The following GLB1 variants were observed in gnomAD, a reference collection of about 807,000 sequenced individuals.
The protein encoded by GLB1 is beta-galactosidase.
In GLB1, 56 loss-of-function variants were observed where a neutral mutation model predicts 74.0. The ratio of observed to expected loss-of-function variants is 0.76; its 90% confidence interval spans 0.61 to 0.94. The LOEUF (loss-of-function observed/expected upper bound fraction) is 0.94, where lower values mean the gene tolerates loss of function less well. Ranked by LOEUF, GLB1 falls within the 40% of genes least tolerant of loss-of-function variation. The pLI is 0.00. For synonymous variants in GLB1, 323 were observed against 323.6 expected, an observed-to-expected ratio of 1.00 and a Z score of 0.02; for missense variants, 787 against 845.5, an observed-to-expected ratio of 0.93 and a Z score of 0.86.
intron 10 of GLB1, chr3:33,045,549 T>C: frequency 1.0e-6 from 1 of 988,480 alleles, no homozygotes; most frequent in Non-Finnish European, 1.2e-6. Flanking sequence ...TATTTTCTAG[T>C]GAGAAATAAT....
the GLB1 span, among the ~76,000 whole-genome samples, chr3:32,984,831 T>A: frequency 9.9e-3 from 1,502 of 151,442 alleles, 9 homozygotes; most frequent in Non-Finnish European, 0.016. Flanking sequence ...AGTCCCAGCT[T>A]CTCAGGAGGC....
chr3:33,096,882 C>T (rs1397802683), intron 1 of GLB1, 129 bp downstream of exon 1: 3 of 1,468,634 alleles, frequency 2.0e-6, no homozygotes, highest in Non-Finnish European at 2.7e-6. Context: ...GGCCGCGAGC[C>T]TGCTGGGGGG....
intron 1 of GLB1, chr3:33,096,398 T>TC (rs2125590494): frequency 5.2e-6 from 5 of 953,090 alleles, no homozygotes; most frequent in East Asian, 1.2e-4. Flanking sequence ...GCCTGCCTAT[T>TC]CCCCCCCTCA....
At chr3:33,030,734 G>C in intron 10 of GLB1, 1 of 985,332 alleles carries the variant, frequency 1.0e-6, no homozygotes, top group Non-Finnish European at 1.2e-6. Flanking sequence ...AATTATCAAG[G>C]TCCTCACTAC....
At position 33,072,544 on chromosome 3, in the gene GLB1, G is replaced by A. The variant is rs72555393; in HGVS notation, c.245C>T (p.Thr82Met). Residue 82 changes from threonine (T) to methionine (M), a missense_variant and splice_region_variant, in exon 2 of 16, where the codon ACG (threonine) becomes ATG (methionine). Coordinates refer to ENST00000307363, the MANE Select transcript of GLB1 (RefSeq NM_000404.4). The part of the protein sequence containing the change: ...MKMAGLNAIQ[T>M]YVPWNFHEPW... ...GAGAGCCACATGCCCTCCTACTTAC[G>A]TCTGGATGGCGTTCAGCCCAGCCAT... 24 of 1,612,964 alleles carry A rather than the reference G, an allele frequency of 1.5e-5. No individual in the cohort carries two copies. Among genetic ancestry groups the A allele is most frequent in the Non-Finnish European group, 1.9e-5 (23 of 1,180,002 alleles).
At chr3:33,064,687 G>A (rs1295225495) in intron 5 of GLB1, among the ~76,000 whole-genome samples, 1 of 138,988 alleles carries the variant, frequency 7.2e-6, no homozygotes, top group Non-Finnish European at 1.5e-5. Context: ...TGAGGTGGGA[G>A]AATTGCCTGA....
chr3:33,027,831 T>G (rs1697835459), intron 10 of GLB1, among the ~76,000 whole-genome samples: 2 of 152,016 alleles, frequency 1.3e-5, no homozygotes, highest in African/African-American at 4.8e-5. Context: ...GACAAAAGAC[T>G]GTTATAGTGA....
intron 4 of GLB1, among the ~76,000 whole-genome samples, chr3:33,067,451 G>C (rs532586230): frequency 0.033 from 460 of 13,992 alleles, 1 homozygote; most frequent in African/African-American, 0.062. Context: ...CAGCACACCT[G>C]GCTAATTTTT....
At chr3:32,987,995 C>T in the GLB1 span, among the ~76,000 whole-genome samples, 28 of 151,996 alleles carry the variant, frequency 1.8e-4, no homozygotes, top group South Asian at 3.6e-3. Context: ...GACCACCTGA[C>T]TAACATGGTG....
rs12167 is a variant in GLB1, at chr3:32,996,691, A to G, written c.*354T>C. ...CTAGTTATGATTTAAGTCAGACCATATAATTCAATACCTGCACATTAAAAA... is the reference window on the plus strand; with the variant it reads ...CTAGTTATGATTTAAGTCAGACCATGTAATTCAATACCTGCACATTAAAAA... On this transcript the variant is annotated 3_prime_UTR_variant, in exon 16 of 16. Transcript: ENST00000307363. 79,872 of 330,724 alleles carry G rather than the reference A, an allele frequency of 0.24. 10,741 individuals carry two copies. The highest frequency in any genetic ancestry group is 0.29 in the Admixed American group (6,728 of 22,836). The allele number at this position is 330,724 out of a possible 1,614,324, so 20.5% of individuals were successfully genotyped here.
chr3:33,029,375 A>T (rs776284117), intron 10 of GLB1, among the ~76,000 whole-genome samples: 3 of 152,172 alleles, frequency 2.0e-5, no homozygotes, highest in Non-Finnish European at 4.4e-5. Context: ...CAAGACCTCT[A>T]ATGTTTTCAT....
intron 1 of GLB1, among the ~76,000 whole-genome samples, chr3:33,094,582 A>C (rs995563127): frequency 2.0e-5 from 3 of 152,222 alleles, no homozygotes; most frequent in Non-Finnish European, 2.9e-5. Flanking sequence ...GCGGTATTCA[A>C]AGTGTGGTCT....
intron 5 of GLB1, among the ~76,000 whole-genome samples, chr3:33,061,462 G>C (rs1699439752): frequency 6.6e-6 from 1 of 152,214 alleles, no homozygotes; most frequent in Admixed American, 6.6e-5. Flanking sequence ...AGGTGTTGCA[G>C]CCATAGAGGT....
rs1697250440 is a variant in GLB1 at position 33,016,740 on chromosome 3, A to G, written c.1448T>C (p.Val483Ala). 6.2e-7 allele frequency: 1 copy of G among 1,614,128 alleles called. No homozygotes were observed. Among genetic ancestry groups the G allele is most frequent in the Non-Finnish European group, 8.5e-7 (1 of 1,180,000 alleles). Residue 483 changes from valine (V) to alanine (A), a missense_variant, in exon 14 of 16, where the codon GTG (valine) becomes GCG (alanine). Transcript: ENST00000307363. ...ATCGTTGATATATGCACCATAGTTC[A>G]CACGTCCCATGTTCTCTACCAGAAG... The part of the protein sequence containing the change: ...LDLLVENMGR[V>A]NYGAYINDFK...
At position 33,016,717 on chromosome 3, in the gene GLB1, CGTT is replaced by C. The variant is rs1215113920; in HGVS notation, c.1468_1470del (p.Asn490del). The C allele has an allele frequency of 1.2e-6, 2 of 1,613,748 alleles. No homozygotes were observed. The highest frequency in any genetic ancestry group is 3.3e-5 in the Admixed American group (2 of 59,986). ...AGTGTGGTTTGTCCTACCTTAAAAT[CGTT>C]GATATATGCACCATAGTTCACACGT... is the stretch of plus-strand genomic sequence containing the variant. On this transcript the variant is annotated inframe_deletion, in exon 14 of 16. Coordinates refer to ENST00000307363, the MANE Select transcript of GLB1 (RefSeq NM_000404.4).
chr3:33,072,516 G>A (rs1559411631), intron 2 of GLB1, 28 bp downstream of exon 2: 1 of 1,612,368 alleles, frequency 6.2e-7, no homozygotes, highest in Non-Finnish European at 8.5e-7. Flanking sequence ...TTCAGGCCTA[G>A]GTGAGAGCCA....
the GLB1 span, among the ~76,000 whole-genome samples, chr3:32,977,037 A>G: frequency 2.0e-5 from 3 of 152,260 alleles, no homozygotes; most frequent in Non-Finnish European, 2.9e-5. Context: ...TCTGTTTCAC[A>G]TTTGAGTCAA....
At chr3:32,969,420 A>T in the GLB1 span, among the ~76,000 whole-genome samples, 1 of 152,208 alleles carries the variant, frequency 6.6e-6, no homozygotes, top group Non-Finnish European at 1.5e-5. Context: ...ACAGCTCTTA[A>T]ATGCTGTATG....
the GLB1 span, among the ~76,000 whole-genome samples, chr3:32,981,759 C>G: frequency 6.7e-6 from 1 of 148,840 alleles, no homozygotes; most frequent in Non-Finnish European, 1.5e-5. Context: ...GGAGACAGAG[C>G]GAGACTCCAT....
Sources: gnomAD v4.1 joint callset for allele counts (sites outside exome capture counted in the v4.1 genomes callset) on GRCh38, gnomAD v4.1.1 for gene constraint, MANE v1.5 for transcripts, NCBI Gene and HGNC (gene_info 2026-07-23, HGNC 2026-07-21) for gene names.